Variants in CAMSAP1 observed in about 807,000 individuals in gnomAD.
CAMSAP1 encodes calmodulin-regulated spectrin-associated protein 1.
CAMSAP1 carries 58 observed loss-of-function variants against 143.5 expected under a neutral mutation model. That is an observed-to-expected ratio of 0.40 (90% CI 0.33 to 0.50). CAMSAP1 has a LOEUF of 0.50. Among genes scored for constraint, CAMSAP1 ranks in the 20% least tolerant of loss-of-function variants. The probability of loss-of-function intolerance (pLI) is 0.45; values close to 1 mark genes in which losing one functional copy is unlikely to be tolerated. For synonymous variants in CAMSAP1, 945 were observed against 859.3 expected, an observed-to-expected ratio of 1.10 and a Z score of -1.74; for missense variants, 1,969 against 2,115.7, an observed-to-expected ratio of 0.93 and a Z score of 1.36.
rs1048216880 is a variant in CAMSAP1 at position 135,882,661 on chromosome 9, T to C, written c.423+155A>G. Reference sequence around the variant, plus strand: ...CACAACAGTCATGTGCTTTAAAAGATATGCAGTTTCCTAAGGAACGCCAGT... The same window carrying C: ...CACAACAGTCATGTGCTTTAAAAGACATGCAGTTTCCTAAGGAACGCCAGT... On this transcript the variant is annotated intron_variant, in intron 2 of 16. Coordinates refer to ENST00000389532, the MANE Select transcript of CAMSAP1 (RefSeq NM_015447.4). The surrounding 1 kb of genome is among the most constrained non-coding windows in gnomAD (Gnocchi z 4.9). 2.6e-5 allele frequency among the ~76,000 whole-genome samples: 4 copies of C among 152,234 alleles called. No individual in the cohort carries two copies. Among genetic ancestry groups the C allele is most frequent in the Admixed American group, 1.3e-4 (2 of 15,286 alleles).
At chr9:135,853,738 C>G (rs1836857616) in intron 5 of CAMSAP1, among the ~76,000 whole-genome samples, 1 of 152,208 alleles carries the variant, frequency 6.6e-6, no homozygotes, top group South Asian at 2.1e-4. Context: ...GGCTACGGCT[C>G]CCACTACCTT....
intron 5 of CAMSAP1, among the ~76,000 whole-genome samples, chr9:135,853,348 A>G (rs926907856): frequency 1.3e-5 from 2 of 152,164 alleles, no homozygotes; most frequent in African/African-American, 4.8e-5. Flanking sequence ...GCGAGTCAGG[A>G]CCAGGCTGGG....
At chr9:135,865,188 G>T in intron 4 of CAMSAP1, 1 of 762,818 alleles carries the variant, frequency 1.3e-6, no homozygotes, top group Non-Finnish European at 2.2e-6. Flanking sequence ...GCCAATTCTT[G>T]TACTATATAA....
At chr9:135,842,532 G>T (rs1836395779) in intron 7 of CAMSAP1, among the ~76,000 whole-genome samples, 1 of 152,080 alleles carries the variant, frequency 6.6e-6, no homozygotes, top group Non-Finnish European at 1.5e-5. Context: ...ACCCCAAGAC[G>T]CAATCATCAG....
At position 135,821,121 on chromosome 9, in the gene CAMSAP1, A is replaced by G. The variant is rs1234285680; in HGVS notation, c.3540T>C (p.Leu1180=). The G allele has an allele frequency of 2.5e-6, 4 of 1,613,430 alleles. No homozygotes were observed. The Admixed American group carries it at 6.7e-5, about 27-fold the overall frequency. ...RLHDESNQRT[L]TLSSSKDANI... ...TGGCATCTTTGGAAGAGGACAGAGT[A>G]AGTGTCCGCTGATTGCTTTCATCAT... Residue 1180 remains leucine (L), a synonymous_variant, in exon 11 of 17, where the codon CTT becomes CTC. Coordinates refer to ENST00000389532, the MANE Select transcript of CAMSAP1 (RefSeq NM_015447.4). The surrounding 1 kb of genome is among the most constrained non-coding windows in gnomAD (Gnocchi z 4.6).
rs193112555 is a variant in CAMSAP1 at position 135,885,417 on chromosome 9, G to A, written c.161-2339C>T. On this transcript the variant is annotated intron_variant, in intron 1 of 16. Coordinates refer to ENST00000389532, the MANE Select transcript of CAMSAP1 (RefSeq NM_015447.4). ...GTGATGCAGTCCCCCTAGGAGAGCA[G>A]AAACTGGCACAGCTGAGGAGAAAGG... Among the ~76,000 whole-genome samples the A allele has an allele frequency of 1.8e-4, 27 of 152,326 alleles. No individual in the cohort carries two copies. The East Asian group carries it at 4.4e-3, about 25-fold the overall frequency.
At chr9:135,901,051 G>C (rs1250269071) in intron 1 of CAMSAP1, among the ~76,000 whole-genome samples, 1 of 152,138 alleles carries the variant, frequency 6.6e-6, no homozygotes, top group Non-Finnish European at 1.5e-5. Context: ...ACCACGCCTA[G>C]CCTCAAAGAT....
Position 135,815,181 on chromosome 9 carries a change from T to C in CAMSAP1, c.4422A>G (p.Ser1474=). ...TGGCATTGTGAATAATCGGCTTGTT[T>C]GATTTACTACTGGGCTCCTTAAAGA... ...PKLFKEPSSK[S]NKPIIHNAIS... The change falls in exon 16 of 17, where the codon TCA becomes TCG. Residue 1474 remains serine, a synonymous_variant. Coordinates refer to ENST00000389532, the MANE Select transcript of CAMSAP1 (RefSeq NM_015447.4). 6.2e-7 allele frequency: 1 copy of C among 1,613,824 alleles called. No individual in the cohort carries two copies. The highest frequency in any genetic ancestry group is 2.2e-5 in the East Asian group (1 of 44,884).
chr9:135,865,400 A>T (rs762878679), intron 4 of CAMSAP1: 3 of 1,549,034 alleles, frequency 1.9e-6, no homozygotes, highest in Non-Finnish European at 2.6e-6. Context: ...GCAGGAGAGG[A>T]GCATCAGCAG....
rs369523585 is a variant in CAMSAP1 at position 135,811,564 on chromosome 9, A to G, written c.4554T>C (p.Asp1518=). 196 of 1,601,204 alleles carry G rather than the reference A, an allele frequency of 1.2e-4. No individual in the cohort carries two copies. Among genetic ancestry groups the G allele is most frequent in the Non-Finnish European group, 1.6e-4 (191 of 1,173,628 alleles). Residue 1518 remains aspartate, a synonymous_variant, in exon 17 of 17, where the codon GAT becomes GAC. Transcript: ENST00000389532. The surrounding 1 kb of genome is among the most constrained non-coding windows in gnomAD (Gnocchi z 4.9). ...DANHYIILFR[D]AGCQFRALYC... is the part of the protein sequence containing the mutation. ...AAAGCGCCCTGAACTGGCAGCCAGC[A>G]TCACGAAACAGTATGATGTAGTGAT...
At chr9:135,846,733 C>T (rs962946474) in intron 7 of CAMSAP1, among the ~76,000 whole-genome samples, 1 of 145,350 alleles carries the variant, frequency 6.9e-6, no homozygotes, top group Non-Finnish European at 1.5e-5. Flanking sequence ...TTTGAATGGA[C>T]GCACTTCTCA....
In CAMSAP1 at chr9:135,815,157, G is replaced by A. The variant is rs1410214356; in HGVS notation, c.4446C>T (p.Ala1482=). 12 of 1,613,920 alleles carry A rather than the reference G, an allele frequency of 7.4e-6. No homozygotes were observed. The highest frequency in any genetic ancestry group is 1.0e-5 in the Non-Finnish European group (12 of 1,179,876). ...SKSNKPIIHN[A]ISHCCLAGKV... Reference sequence around the variant, plus strand: ...TTCCAGCCAGGCAGCAATGGGATATGGCATTGTGAATAATCGGCTTGTTTG... The same window carrying A: ...TTCCAGCCAGGCAGCAATGGGATATAGCATTGTGAATAATCGGCTTGTTTG... The change falls in exon 16 of 17, where the codon GCC becomes GCT. Residue 1482 remains alanine (A), a synonymous_variant. Coordinates refer to ENST00000389532, the MANE Select transcript of CAMSAP1 (RefSeq NM_015447.4).
chr9:135,868,904 C>A (rs1156599425), intron 3 of CAMSAP1, among the ~76,000 whole-genome samples: 1 of 151,880 alleles, frequency 6.6e-6, no homozygotes, highest in Non-Finnish European at 1.5e-5. Flanking sequence ...GTGTGAGCCA[C>A]CACGCCCAGC....
In CAMSAP1 at chr9:135,821,741, C is replaced by T. The variant is rs557222768; in HGVS notation, c.2920G>A (p.Val974Met). The T allele has an allele frequency of 4.3e-6, 7 of 1,614,002 alleles. No individual in the cohort carries two copies. The Admixed American group carries it at 1.0e-4, about 23-fold the overall frequency. The change falls in exon 11 of 17, where the codon GTG becomes ATG. Residue 974 changes from valine (V) to methionine (M), a missense_variant. By Grantham distance (21) the Val-to-Met change is conservative. This residue lies in a region of CAMSAP1 where 1,390 missense variants were observed against 1,420.8 expected (regional missense o/e 0.98). Transcript: ENST00000389532. The surrounding 1 kb of genome is among the most constrained non-coding windows in gnomAD (Gnocchi z 4.6). ...REELLHEPQD[V>M]DKESLAFAQQ... ...GCAAAGGCCAGGCTCTCTTTGTCCA[C>T]ATCCTGTGGCTCGTGAAGGAGCTCC...
intron 3 of CAMSAP1, among the ~76,000 whole-genome samples, chr9:135,877,204 G>GA (rs1236156220): frequency 6.6e-6 from 1 of 151,748 alleles, no homozygotes; most frequent in African/African-American, 2.4e-5. Context: ...GTCAATCTCA[G>GA]AAACACTTTG....
intron 16 of CAMSAP1, among the ~76,000 whole-genome samples, chr9:135,812,647 A>C (rs1364462042): frequency 1.3e-5 from 2 of 152,160 alleles, no homozygotes; most frequent in Non-Finnish European, 2.9e-5. Context: ...TAAAAGGGTG[A>C]ATTTTACGGT....
At chr9:135,890,036 C>T (rs1838239136) in intron 1 of CAMSAP1, among the ~76,000 whole-genome samples, 1 of 152,146 alleles carries the variant, frequency 6.6e-6, no homozygotes, top group Non-Finnish European at 1.5e-5. Context: ...CATGGGAGGC[C>T]CCTCGGGGTG....
intron 7 of CAMSAP1, among the ~76,000 whole-genome samples, chr9:135,842,670 G>A (rs1448072083): frequency 6.6e-6 from 1 of 152,188 alleles, no homozygotes; most frequent in Non-Finnish European, 1.5e-5. Context: ...AGCCAGAAGA[G>A]AGTGAGGGCC....
chr9:135,902,527 GAA>G, intron 1 of CAMSAP1, among the ~76,000 whole-genome samples: 1 of 152,276 alleles, frequency 6.6e-6, no homozygotes, highest in East Asian at 1.9e-4. Context: ...TCATTTTAAC[GAA>G]AAGTCACTAC....
Sources: gnomAD v4.1 joint callset for allele counts (sites outside exome capture counted in the v4.1 genomes callset) on GRCh38, gnomAD v4.1.1 for gene constraint, gnomAD v4.1.1 regional missense constraint, Gnocchi (gnomAD v3.1) non-coding constraint, MANE v1.5 for transcripts, NCBI Gene and HGNC (gene_info 2026-07-23, HGNC 2026-07-21) for gene names.